The following CHRM3 variants were observed in gnomAD, a reference collection of about 807,000 sequenced individuals.
CHRM3 encodes cholinergic receptor muscarinic 3, also known as muscarinic acetylcholine receptor M3.
Under a neutral mutation model 41.8 loss-of-function variants are expected in CHRM3, and 11 were observed. The ratio of observed to expected loss-of-function variants is 0.26; its 90% CI spans 0.17 to 0.44. CHRM3 has a LOEUF of 0.44. Ranked by LOEUF, CHRM3 falls within the 20% of genes least tolerant of loss-of-function variation. The pLI is 1.00. For synonymous variants in CHRM3, 297 were observed against 301.4 expected (o/e 0.99, Z 0.15); for missense variants, 571 against 745.4 (o/e 0.77, Z 2.72).
rs184095547 is a variant in CHRM3, at chr1:239,606,765, G to A, written c.-312-25459G>A. On this transcript the variant is annotated intron_variant, in intron 3 of 6. Coordinates refer to ENST00000676153, the MANE Select transcript of CHRM3 (RefSeq NM_001375978.1). ...TAGGCTAAATAAAAAGCCTAAGGGA[G>A]CTGTGTTTTTGATTTGTAACTTTAA... Among the ~76,000 whole-genome samples the A allele has an allele frequency of 4.1e-4, 62 of 152,244 alleles. No individual in the cohort carries two copies. In the East Asian group the frequency reaches 0.011, roughly 28 times the overall value.
intron 3 of CHRM3, among the ~76,000 whole-genome samples, chr1:239,620,523 A>G (rs1668242831): frequency 1.3e-5 from 2 of 152,176 alleles, no homozygotes; most frequent in Non-Finnish European, 2.9e-5. Context: ...GGAGAGAGAG[A>G]GAATATCCAG....
intron 3 of CHRM3, among the ~76,000 whole-genome samples, chr1:239,550,193 C>T (rs980637583): frequency 5.3e-5 from 8 of 152,156 alleles, no homozygotes; most frequent in African/African-American, 1.9e-4. Flanking sequence ...GATGTACTGT[C>T]CGTTAATCAA....
At chr1:239,655,756 C>G (rs1319747739) in intron 4 of CHRM3, among the ~76,000 whole-genome samples, 2 of 152,152 alleles carry the variant, frequency 1.3e-5, no homozygotes, top group East Asian at 3.9e-4. Flanking sequence ...TATGGGCAGT[C>G]TTTCTAAAGG....
At chr1:239,478,687 T>G (rs1016648441) in intron 1 of CHRM3, among the ~76,000 whole-genome samples, 8 of 152,248 alleles carry the variant, frequency 5.3e-5, no homozygotes, top group African/African-American at 1.9e-4. Flanking sequence ...AATGAATGAG[T>G]GAATTTTAAG....
At chr1:239,572,759 A>T (rs1186166517) in intron 3 of CHRM3, among the ~76,000 whole-genome samples, 11 of 152,166 alleles carry the variant, frequency 7.2e-5, no homozygotes, top group Non-Finnish European at 1.3e-4. Flanking sequence ...AATGGATGTG[A>T]TATGGGATGC....
intron 1 of CHRM3, among the ~76,000 whole-genome samples, chr1:239,474,911 C>A (rs1666366887): frequency 6.6e-6 from 1 of 151,926 alleles, no homozygotes; most frequent in Non-Finnish European, 1.5e-5. Flanking sequence ...TTACATCAAA[C>A]AAAAATAAAT....
chr1:239,533,356 ACTT>A (rs57880615), intron 2 of CHRM3, among the ~76,000 whole-genome samples: 3,219 of 152,184 alleles, frequency 0.021, 101 homozygotes, highest in African/African-American at 0.073. Flanking sequence ...GCCTCAGGAA[ACTT>A]ACAATCATGG....
chr1:239,835,979 C>T (rs1327760535), intron 6 of CHRM3, among the ~76,000 whole-genome samples: 4 of 152,166 alleles, frequency 2.6e-5, no homozygotes, highest in East Asian at 1.9e-4. Flanking sequence ...TCTTTTGAGA[C>T]GATGGAGATA....
chr1:239,575,074 G>T (rs1419483358), intron 3 of CHRM3, among the ~76,000 whole-genome samples: 2 of 152,134 alleles, frequency 1.3e-5, no homozygotes, highest in African/African-American at 4.8e-5. Flanking sequence ...AAATATGTTG[G>T]TAGAGAAACT....
At chr1:239,808,608 A>G (rs1670855414) in intron 5 of CHRM3, among the ~76,000 whole-genome samples, 1 of 152,186 alleles carries the variant, frequency 6.6e-6, no homozygotes, top group Non-Finnish European at 1.5e-5. Context: ...TATCGATTGG[A>G]CCAATTCTTC....
chr1:239,912,058 T>G lies in CHRM3; in HGVS notation c.*2834T>G, dbSNP rs1015861027. 8 of 167,060 alleles carry G rather than the reference T, an allele frequency of 4.8e-5. No individual in the cohort carries two copies. Among genetic ancestry groups the G allele is most frequent in the African/African-American group, 1.7e-4 (7 of 41,452 alleles). 10.3% of individuals were successfully genotyped at this position (167,060 alleles called of 1,614,324 possible). A position where few individuals can be genotyped will look rare whatever the true frequency, so the allele number is the denominator to read the frequency against. On this transcript the variant is annotated 3_prime_UTR_variant, in exon 7 of 7. Transcript: ENST00000676153. ...CCATATGCATGAGGTTTGCAGACAT[T>G]TCAAGATTAGCCACTTTGCTTGAAA... is the stretch of plus-strand genomic sequence containing the variant.
At position 239,686,930 on chromosome 1, in the gene CHRM3, A is replaced by G. The variant is rs149219404; in HGVS notation, c.-147+8642A>G. Among the ~76,000 whole-genome samples the G allele has an allele frequency of 1.3e-3, 199 of 152,310 alleles. 1 individual carries two copies. Among genetic ancestry groups the G allele is most frequent in the East Asian group, 0.01 (54 of 5,186 alleles). On this transcript the variant is annotated intron_variant, in intron 5 of 6. Coordinates refer to ENST00000676153, the MANE Select transcript of CHRM3 (RefSeq NM_001375978.1). The stretch of plus-strand genomic sequence containing the variant: ...TATACCTGCTTTCTAAGATTTTAAT[A>G]GCTTTAATAACAGGGAATGGCATTC...
chr1:239,520,933 CCT>C (rs1669600434), intron 2 of CHRM3, among the ~76,000 whole-genome samples: 2 of 152,006 alleles, frequency 1.3e-5, no homozygotes, highest in Non-Finnish European at 2.9e-5. Context: ...TGATAAAAAT[CCT>C]CTCTCTTTGG....
intron 2 of CHRM3, among the ~76,000 whole-genome samples, chr1:239,500,687 C>T (rs1668178043): frequency 4.0e-5 from 6 of 149,676 alleles, no homozygotes; most frequent in Admixed American, 3.3e-4. Context: ...AACAAAAATA[C>T]ATGTTAAAAA....
intron 6 of CHRM3, among the ~76,000 whole-genome samples, chr1:239,844,436 A>G (rs190216770): frequency 6.6e-6 from 1 of 152,330 alleles, no homozygotes; most frequent in Non-Finnish European, 1.5e-5. Flanking sequence ...AAAGGAGGTG[A>G]TAGCACACCC....
rs558907697 is a variant in CHRM3, at chr1:239,455,099, C to T, written c.-520-37610C>T. ...TATTTATTTATTTATATTTTTGAGACGGAGCACAATGGCGTGATCTCGGCT... is the reference window on the plus strand; with the variant it reads ...TATTTATTTATTTATATTTTTGAGATGGAGCACAATGGCGTGATCTCGGCT... On this transcript the variant is annotated intron_variant, in intron 1 of 6. Transcript: ENST00000676153. Among the ~76,000 whole-genome samples, 77 of 152,074 alleles carry T rather than the reference C, an allele frequency of 5.1e-4. 1 individual carries two copies. In the South Asian group the frequency reaches 9.8e-3, roughly 19 times the overall value.
At chr1:239,823,487 T>C (rs1455101173) in intron 5 of CHRM3, among the ~76,000 whole-genome samples, 1 of 152,170 alleles carries the variant, frequency 6.6e-6, no homozygotes, top group Non-Finnish European at 1.5e-5. Flanking sequence ...TGGTTTTCTA[T>C]GCATTTCGTT....
chr1:239,622,679 A>C (rs2148820817), intron 3 of CHRM3, among the ~76,000 whole-genome samples: 1 of 152,274 alleles, frequency 6.6e-6, no homozygotes, highest in South Asian at 2.1e-4. Context: ...CTTGTTATGG[A>C]TTAGCAAAGA....
intron 3 of CHRM3, among the ~76,000 whole-genome samples, chr1:239,582,408 T>C (rs1204355010): frequency 2.0e-5 from 3 of 152,186 alleles, no homozygotes; most frequent in Non-Finnish European, 4.4e-5. Context: ...CTCAGTTTTC[T>C]TCCTGTAGGA....
Sources: allele counts gnomAD v4.1 joint callset (sites outside exome capture counted in the v4.1 genomes callset), GRCh38; gene constraint gnomAD v4.1.1; transcripts MANE v1.5; gene names NCBI Gene and HGNC (gene_info 2026-07-23, HGNC 2026-07-21).